Variants in CABLES1 observed in about 807,000 individuals in gnomAD.
CABLES1 encodes the protein Cdk5 and Abl enzyme substrate 1, also known as CDK5 and ABL1 enzyme substrate 1.
In CABLES1, 36 loss-of-function variants were observed where a neutral mutation model predicts 57.8. That is an observed-to-expected ratio of 0.62 (90% CI 0.48 to 0.82). CABLES1 has a LOEUF of 0.82. Ranked by LOEUF, CABLES1 falls within the 40% of genes least tolerant of loss-of-function variation. The pLI is 0.00. For missense variants in CABLES1, 767 were observed against 836.6 expected, an observed-to-expected ratio of 0.92 and a Z score of 1.03; for synonymous variants, 374 against 363.0, an observed-to-expected ratio of 1.03 and a Z score of -0.35.
In CABLES1 at chr18:23,169,156, C is replaced by T. The variant is rs145226685; in HGVS notation, c.846-19682C>T. ...TGACAGTTTACAGATGCCGTGGCAA[C>T]GTCAGGAAGTTACCCTATATGGTCT... On this transcript the variant is annotated intron_variant, in intron 1 of 9. Coordinates refer to ENST00000256925, the MANE Select transcript of CABLES1 (RefSeq NM_001100619.3). Among the ~76,000 whole-genome samples, 421 of 152,232 alleles carry T rather than the reference C, an allele frequency of 2.8e-3. 5 individuals carry two copies. The highest frequency in any genetic ancestry group is 0.025 in the East Asian group (128 of 5,186).
At chr18:23,200,478 G>A (rs1212442140) in intron 3 of CABLES1, among the ~76,000 whole-genome samples, 1 of 152,116 alleles carries the variant, frequency 6.6e-6, no homozygotes, top group Non-Finnish European at 1.5e-5. Context: ...TAGCCAGGAA[G>A]GTCTCGATCT....
rs55888102 is a variant in CABLES1, at chr18:23,188,543, T to TTG, written c.846-273_846-272dup. 5.4e-3 allele frequency among the ~76,000 whole-genome samples: 800 copies of TTG among 149,046 alleles called. 2 individuals are homozygous for TTG. The highest frequency in any genetic ancestry group is 6.6e-3 in the Non-Finnish European group (441 of 67,046). ...GTATATTACAAGAGGCACCTTGTCTTTGTGTGTGTGTGTGTGTGTGTGTCC... is the reference window on the plus strand; with the variant it reads ...GTATATTACAAGAGGCACCTTGTCTTTGTGTGTGTGTGTGTGTGTGTGTGTCC... On this transcript the variant is annotated intron_variant, in intron 1 of 9. Transcript: ENST00000256925.
intron 3 of CABLES1, among the ~76,000 whole-genome samples, chr18:23,202,733 T>A (rs2047334278): frequency 6.6e-6 from 1 of 151,642 alleles, no homozygotes; most frequent in Admixed American, 6.6e-5. Flanking sequence ...ACGCCTGTAA[T>A]CCCAGCACTT....
chr18:23,177,652 C>T (rs1208662265), intron 1 of CABLES1, among the ~76,000 whole-genome samples: 3 of 152,076 alleles, frequency 2.0e-5, no homozygotes, highest in African/African-American at 7.2e-5. Context: ...TCCTATGCCT[C>T]ACCGAGTCCC....
chr18:23,195,767 C>G (rs1186406947), intron 3 of CABLES1, among the ~76,000 whole-genome samples: 1 of 152,126 alleles, frequency 6.6e-6, no homozygotes, highest in Non-Finnish European at 1.5e-5. Context: ...CTCTCTCACC[C>G]TTTTTTTCGC....
At chr18:23,171,119 T>G (rs2047079387) in intron 1 of CABLES1, among the ~76,000 whole-genome samples, 1 of 152,180 alleles carries the variant, frequency 6.6e-6, no homozygotes, top group Non-Finnish European at 1.5e-5. Context: ...AGAGATTAAG[T>G]TATTGGGGAG....
At chr18:23,192,677 C>G (rs534691785) in intron 2 of CABLES1, among the ~76,000 whole-genome samples, 70 of 152,360 alleles carry the variant, frequency 4.6e-4, no homozygotes, top group Non-Finnish European at 7.3e-4. Flanking sequence ...TTGGCCCTAT[C>G]TAGAAACCAC....
intron 3 of CABLES1, among the ~76,000 whole-genome samples, chr18:23,203,509 CT>C (rs2047341151): frequency 6.6e-6 from 1 of 151,548 alleles, no homozygotes; most frequent in Non-Finnish European, 1.5e-5. Context: ...CACCCTTTAT[CT>C]GCATTTTAAA....
At chr18:23,162,158 C>G (rs111556186) in intron 1 of CABLES1, among the ~76,000 whole-genome samples, 4,051 of 118,096 alleles carry the variant, frequency 0.034, 176 homozygotes, top group African/African-American at 0.13. Context: ...AGCACAAAAC[C>G]CTGTCTCAAA....
rs115777514 is a variant in CABLES1 at position 23,215,280 on chromosome 18, T to C, written c.1088+1226T>C. Reference sequence around the variant, plus strand: ...TTCGGGCAGCTCTCTTTGACTGACCTACCTGCTGTGGCCCCGGGTCTGGCT... The same window carrying C: ...TTCGGGCAGCTCTCTTTGACTGACCCACCTGCTGTGGCCCCGGGTCTGGCT... On this transcript the variant is annotated intron_variant, in intron 4 of 9. Coordinates refer to ENST00000256925, the MANE Select transcript of CABLES1 (RefSeq NM_001100619.3). 2.6e-3 allele frequency among the ~76,000 whole-genome samples: 403 copies of C among 152,318 alleles called. 1 individual carries two copies. The highest frequency in any genetic ancestry group is 9.4e-3 in the African/African-American group (391 of 41,564).
intron 7 of CABLES1, among the ~76,000 whole-genome samples, chr18:23,247,744 A>G (rs2047933126): frequency 6.6e-6 from 1 of 152,222 alleles, no homozygotes; most frequent in Non-Finnish European, 1.5e-5. Flanking sequence ...TCAGAGAAGC[A>G]GGGACAAAAG....
At chr18:23,224,585 T>TG (rs1279548218) in intron 4 of CABLES1, among the ~76,000 whole-genome samples, 2 of 142,944 alleles carry the variant, frequency 1.4e-5, no homozygotes, top group African/African-American at 5.3e-5. Context: ...TTTTTTTTTT[T>TG]GGAGACAGAG....
At chr18:23,232,039 C>T (rs945368946) in intron 4 of CABLES1, among the ~76,000 whole-genome samples, 3 of 152,204 alleles carry the variant, frequency 2.0e-5, no homozygotes, top group African/African-American at 7.2e-5. Context: ...AAGAGCCACA[C>T]TAGCTCAGCT....
At chr18:23,248,538 T>TTTTAA (rs1555671608) in intron 7 of CABLES1, among the ~76,000 whole-genome samples, 6 of 93,602 alleles carry the variant, frequency 6.4e-5, no homozygotes, top group African/African-American at 2.1e-4. Context: ...TTTTTTTTTT[T>TTTTAA]AAAAAAAGGC....
intron 1 of CABLES1, among the ~76,000 whole-genome samples, chr18:23,162,609 GAAAAGAACGTGTATTTC>G (rs1169581764): frequency 6.6e-6 from 1 of 152,186 alleles, no homozygotes. Flanking sequence ...TGCCGTGGAA[GAAAAGAACGTGTATTTC>G]AAAAGAACAA....
At chr18:23,152,801 T>G (rs1220951334) in intron 1 of CABLES1, among the ~76,000 whole-genome samples, 1 of 151,714 alleles carries the variant, frequency 6.6e-6, no homozygotes, top group Non-Finnish European at 1.5e-5. Flanking sequence ...TAAAATTTTT[T>G]TATTTTTTAT....
At chr18:23,157,348 G>A (rs1598802993) in intron 1 of CABLES1, among the ~76,000 whole-genome samples, 1 of 152,114 alleles carries the variant, frequency 6.6e-6, no homozygotes, top group African/African-American at 2.4e-5. Context: ...GCGGGGGGGC[G>A]GTGGCTTCTC....
At chr18:23,245,948 A>G (rs573860324) in intron 7 of CABLES1, among the ~76,000 whole-genome samples, 10 of 152,306 alleles carry the variant, frequency 6.6e-5, no homozygotes, top group Middle Eastern at 3.4e-3. Flanking sequence ...GGTGAATCCC[A>G]TGGCCTGGAG....
At chr18:23,174,625 C>T (rs558814622) in intron 1 of CABLES1, among the ~76,000 whole-genome samples, 2,078 of 151,610 alleles carry the variant, frequency 0.014, 20 homozygotes, top group Non-Finnish European at 0.021. Flanking sequence ...GCACCCACCA[C>T]CACACCCGGC....
Sources: gnomAD v4.1 joint callset for allele counts (sites outside exome capture counted in the v4.1 genomes callset) on GRCh38, gnomAD v4.1.1 for gene constraint, MANE v1.5 for transcripts, NCBI Gene and HGNC (gene_info 2026-07-23, HGNC 2026-07-21) for gene names.